SLC19A3: variants seen among roughly 807,000 people sequenced by gnomAD.
SLC19A3 encodes solute carrier family 19 member 3, also known as thiamine transporter 2.
In SLC19A3, 31 loss-of-function variants were observed where a neutral mutation model predicts 40.2. The ratio of observed to expected loss-of-function variants is 0.77; its 90% CI spans 0.58 to 1.04. The LOEUF (loss-of-function observed/expected upper bound fraction) is 1.04. Among genes scored for constraint, SLC19A3 ranks in the 50% least tolerant of loss-of-function variants. The pLI, the probability that SLC19A3 is intolerant of heterozygous loss-of-function variation, is 0.00. For missense variants in SLC19A3, 592 were observed against 596.7 expected, an observed-to-expected ratio of 0.99 and a Z score of 0.08; for synonymous variants, 212 against 227.5, an observed-to-expected ratio of 0.93 and a Z score of 0.61.
chr2:227,691,874 A>T, intron 4 of SLC19A3, among the ~76,000 whole-genome samples: 1 of 152,234 alleles, frequency 6.6e-6, no homozygotes, highest in African/African-American at 2.4e-5. Flanking sequence ...AAATAAAACT[A>T]GAGATGTAAA....
chr2:227,691,663 C>T (rs548664037), intron 4 of SLC19A3, among the ~76,000 whole-genome samples: 9 of 151,692 alleles, frequency 5.9e-5, no homozygotes, highest in African/African-American at 1.9e-4. Context: ...CTTAATGATG[C>T]GTCATAAAGA....
At chr2:227,704,290 T>G (rs898741239) in intron 1 of SLC19A3, among the ~76,000 whole-genome samples, 14 of 152,142 alleles carry the variant, frequency 9.2e-5, no homozygotes, top group Admixed American at 9.2e-4. Context: ...TTTTCGTGAG[T>G]GCATCTCACT....
intron 4 of SLC19A3, among the ~76,000 whole-genome samples, chr2:227,694,891 C>A (rs1403803469): frequency 6.6e-6 from 1 of 151,784 alleles, no homozygotes; most frequent in Admixed American, 6.6e-5. Flanking sequence ...TCTGTCTCTA[C>A]AAAAATGAAA....
At position 227,704,879 on chromosome 2, in the gene SLC19A3, C is replaced by CATTATTATTATT. The variant is rs71039630; in HGVS notation, c.-2-2571_-2-2560dup. ...AAATTTAGTATGGGGTTGCAAACAGCATTATTATTATTATTATTTGAGATG... is the reference window on the plus strand; with the variant it reads ...AAATTTAGTATGGGGTTGCAAACAGCATTATTATTATTATTATTATTATTATTATTTGAGATG... On this transcript the variant is annotated intron_variant, in intron 1 of 5. Transcript: ENST00000644224. 8.7e-4 allele frequency among the ~76,000 whole-genome samples: 131 copies of CATTATTATTATT among 151,240 alleles called. 1 individual carries two copies. The highest frequency in any genetic ancestry group is 1.9e-3 in the South Asian group (9 of 4,788).
chr2:227,715,957 A>C (rs1696321563), intron 1 of SLC19A3, among the ~76,000 whole-genome samples: 1 of 151,264 alleles, frequency 6.6e-6, no homozygotes, highest in Non-Finnish European at 1.5e-5. Flanking sequence ...GTCTCAAAAA[A>C]AAAAAAAAAA....
intron 1 of SLC19A3, among the ~76,000 whole-genome samples, chr2:227,708,233 T>C (rs1414489661): frequency 2.6e-5 from 4 of 152,212 alleles, no homozygotes; most frequent in South Asian, 2.1e-4. Flanking sequence ...ATTTTGACTA[T>C]GAATGAATTT....
chr2:227,697,794 G>C (rs989958946), intron 3 of SLC19A3, among the ~76,000 whole-genome samples: 4 of 152,126 alleles, frequency 2.6e-5, no homozygotes, highest in Admixed American at 6.5e-5. Flanking sequence ...GTTACTTCTT[G>C]TGGCTGGGCG....
intron 2 of SLC19A3, chr2:227,701,614 T>C (rs112219909): frequency 0.038 from 5,492 of 145,516 alleles, 247 homozygotes; most frequent in African/African-American, 0.11. Context: ...AGAGTGAGAC[T>C]CCATCTCAAA....
chr2:227,714,152 C>T (rs1245739488), intron 1 of SLC19A3, among the ~76,000 whole-genome samples: 1 of 152,134 alleles, frequency 6.6e-6, no homozygotes, highest in Non-Finnish European at 1.5e-5. Flanking sequence ...CCTATTCTCC[C>T]TCCTCCAAAG....
Position 227,702,181 on chromosome 2 carries a change from C to T in SLC19A3, c.138G>A (p.Leu46=). The T allele has an allele frequency of 6.2e-7, 1 of 1,613,672 alleles. No individual in the cohort carries two copies. The highest frequency in any genetic ancestry group is 1.1e-5 in the South Asian group (1 of 91,042). The change falls in exon 2 of 6, where the codon CTG becomes CTA. Residue 46 remains leucine, a synonymous_variant. Coordinates refer to ENST00000644224, the MANE Select transcript of SLC19A3 (RefSeq NM_025243.4). The stretch of plus-strand genomic sequence containing the variant: ...TATGTTAACTTACCTCTGCACTGGT[C>T]AGGTTTTTATCTGGTCCAGATAAAT... The part of the protein sequence containing the change: ...IPYLSGPDKN[L]TSAEITNEIF...
chr2:227,715,752 C>A (rs1403771036), intron 1 of SLC19A3, among the ~76,000 whole-genome samples: 1 of 151,768 alleles, frequency 6.6e-6, no homozygotes, highest in Non-Finnish European at 1.5e-5. Flanking sequence ...TCAACTGAGC[C>A]CAGCCTGGGC....
chr2:227,714,659 G>A, intron 1 of SLC19A3: 3 of 955,048 alleles, frequency 3.1e-6, no homozygotes, highest in Non-Finnish European at 3.7e-6. Flanking sequence ...TTTATGTACT[G>A]GGGCCCACCC....
chr2:227,714,706 A>G (rs1317782467), intron 1 of SLC19A3: 3,707 of 301,512 alleles, frequency 0.012, 81 homozygotes, highest in South Asian at 0.023. Flanking sequence ...TCCCATCCAA[A>G]AAAAAAAAAA....
At chr2:227,690,706 C>CAAAAAAAAAAAAAAAAAAAA (rs34163746) in intron 4 of SLC19A3, among the ~76,000 whole-genome samples, 7 of 39,146 alleles carry the variant, frequency 1.8e-4, no homozygotes, top group Admixed American at 4.5e-4. Flanking sequence ...GACTCCATCT[C>CAAAAAAAAAAAAAAAAAAAA]AAAAAAAAAA....
Position 227,687,211 on chromosome 2 carries a change from T to C in SLC19A3, c.*186A>G. ...ATGATGACGGGTCCTGTCAATTGCATCCAGTAAAATTGGTCACATAGAGAA... is the reference window on the plus strand; with the variant it reads ...ATGATGACGGGTCCTGTCAATTGCACCCAGTAAAATTGGTCACATAGAGAA... On this transcript the variant is annotated 3_prime_UTR_variant, in exon 6 of 6. Transcript: ENST00000644224. 1 of 568,316 alleles carries C rather than the reference T, an allele frequency of 1.8e-6. No homozygotes were observed. The allele number at this position is 568,316 out of a possible 1,614,324, so 35.2% of individuals were successfully genotyped here.
At chr2:227,704,348 T>C (rs1375814613) in intron 1 of SLC19A3, among the ~76,000 whole-genome samples, 2 of 152,238 alleles carry the variant, frequency 1.3e-5, no homozygotes, top group African/African-American at 2.4e-5. Context: ...GATCTCCAAG[T>C]GTTTTACCAT....
At chr2:227,705,602 C>T (rs911638077) in intron 1 of SLC19A3, among the ~76,000 whole-genome samples, 2 of 152,056 alleles carry the variant, frequency 1.3e-5, no homozygotes, top group African/African-American at 2.4e-5. Context: ...AAGTAATTTA[C>T]GTTCCCACCA....
At chr2:227,692,080 A>G (rs1695253803) in intron 4 of SLC19A3, among the ~76,000 whole-genome samples, 1 of 152,200 alleles carries the variant, frequency 6.6e-6, no homozygotes, top group Non-Finnish European at 1.5e-5. Flanking sequence ...AGTCATAATA[A>G]AAAGCCTCCC....
At position 227,687,243 on chromosome 2, in the gene SLC19A3, T is replaced by G; in HGVS notation, c.*154A>C. 1.3e-6 allele frequency: 1 copy of G among 746,260 alleles called. No individual in the cohort carries two copies. Among genetic ancestry groups the G allele is most frequent in the Non-Finnish European group, 2.1e-6 (1 of 465,912 alleles). 46.2% of individuals were successfully genotyped at this position (746,260 alleles called of 1,614,324 possible). A position where few individuals can be genotyped will look rare whatever the true frequency, so the allele number is the denominator to read the frequency against. ...AAATTGGTCACATAGAGAACTCATCTAAAACTGAGGTTTTGTTGTGGTTTT... is the reference window on the plus strand; with the variant it reads ...AAATTGGTCACATAGAGAACTCATCGAAAACTGAGGTTTTGTTGTGGTTTT... On this transcript the variant is annotated 3_prime_UTR_variant, in exon 6 of 6. Transcript: ENST00000644224.
Sources: allele counts gnomAD v4.1 joint callset (sites outside exome capture counted in the v4.1 genomes callset), GRCh38; gene constraint gnomAD v4.1.1; transcripts MANE v1.5; gene names NCBI Gene and HGNC (gene_info 2026-07-23, HGNC 2026-07-21).